ARNT: variants seen among roughly 807,000 people sequenced by gnomAD.
ARNT encodes aryl hydrocarbon receptor nuclear translocator.
Under a neutral mutation model 105.0 loss-of-function variants are expected in ARNT, and 30 were observed. That is an observed-to-expected ratio of 0.29 (90% CI 0.21 to 0.39). The LOEUF (loss-of-function observed/expected upper bound fraction) is 0.39. ARNT is among the 10% of genes least tolerant of loss of function. The pLI is 1.00. For missense variants in ARNT, 748 were observed against 978.7 expected, an observed-to-expected ratio of 0.76 and a Z score of 3.15; for synonymous variants, 304 against 344.0, an observed-to-expected ratio of 0.88 and a Z score of 1.29.
chr1:150,837,851 T>A (rs1660592391), intron 6 of ARNT, among the ~76,000 whole-genome samples: 1 of 152,092 alleles, frequency 6.6e-6, no homozygotes, highest in African/African-American at 2.4e-5. Context: ...GAATCATTAT[T>A]TCCCTCTTAA....
At chr1:150,821,762 C>T (rs1362228132) in intron 14 of ARNT, among the ~76,000 whole-genome samples, 1 of 151,942 alleles carries the variant, frequency 6.6e-6, no homozygotes, top group East Asian at 1.9e-4. Flanking sequence ...GATTCTCATA[C>T]CTTAACCTCC....
At chr1:150,820,253 C>T (rs1656773980) in intron 14 of ARNT, among the ~76,000 whole-genome samples, 2 of 152,208 alleles carry the variant, frequency 1.3e-5, no homozygotes, top group South Asian at 2.1e-4. Context: ...AAAATCCTGC[C>T]AGACTAGAGC....
intron 7 of ARNT, among the ~76,000 whole-genome samples, chr1:150,835,183 A>T (rs1043281183): frequency 1.3e-5 from 2 of 151,962 alleles, no homozygotes; most frequent in African/African-American, 4.8e-5. Context: ...AAAAAGAAAA[A>T]AACCAAGTAA....
chr1:150,840,022 C>T (rs1195039652), intron 5 of ARNT, among the ~76,000 whole-genome samples: 1 of 152,154 alleles, frequency 6.6e-6, no homozygotes, highest in African/African-American at 2.4e-5. Flanking sequence ...AGGTGGATTA[C>T]TTGAGGCCAG....
chr1:150,842,506 T>TA, intron 4 of ARNT, 38 bp from the exon 5 acceptor site: 1 of 1,311,826 alleles, frequency 7.6e-7, no homozygotes, highest in East Asian at 2.9e-5. Context: ...AAAATTAAAA[T>TA]AAAAAAGAAG....
chr1:150,842,239 T>C, intron 5 of ARNT, 185 bp downstream of exon 5: 1 of 984,882 alleles, frequency 1.0e-6, no homozygotes, highest in Non-Finnish European at 1.2e-6. Flanking sequence ...TTCCCTCAAC[T>C]CACCCACTTT....
chr1:150,870,475 A>G (rs1667254046), intron 1 of ARNT, among the ~76,000 whole-genome samples: 1 of 152,126 alleles, frequency 6.6e-6, no homozygotes, highest in Non-Finnish European at 1.5e-5. Context: ...TTCTGCTCTC[A>G]TGGAACTTAT....
intron 1 of ARNT, among the ~76,000 whole-genome samples, chr1:150,867,371 TA>T (rs1257063733): frequency 1.6e-3 from 215 of 137,230 alleles, no homozygotes; most frequent in Admixed American, 1.5e-3. Context: ...TTCTATAAAT[TA>T]AAAAAAAAAA....
chr1:150,859,443 C>T (rs1251628390), intron 1 of ARNT, among the ~76,000 whole-genome samples: 1 of 151,680 alleles, frequency 6.6e-6, no homozygotes, highest in Non-Finnish European at 1.5e-5. Flanking sequence ...ACCTCCCGGG[C>T]TCCAGTGATC....
chr1:150,834,008 C>A lies in ARNT; in HGVS notation c.803+530G>T, dbSNP rs890785803. ...GGAGTGTAATGGCACAATCTCGGCT[C>A]ACTGCAACCTCCACCTCCTGGGTTC... On this transcript the variant is annotated intron_variant, in intron 8 of 21. Transcript: ENST00000358595. Among the ~76,000 whole-genome samples the A allele has an allele frequency of 2.0e-5, 3 of 151,322 alleles. No homozygotes were observed. In the East Asian group the frequency reaches 5.8e-4, roughly 29 times the overall value.
At chr1:150,866,171 C>A (rs967263573) in intron 1 of ARNT, among the ~76,000 whole-genome samples, 2 of 152,068 alleles carry the variant, frequency 1.3e-5, no homozygotes, top group African/African-American at 4.8e-5. Flanking sequence ...TTAGTAGAGA[C>A]GGGGTTTCAC....
At chr1:150,823,654 G>A (rs1283167988) in intron 13 of ARNT, among the ~76,000 whole-genome samples, 3 of 151,448 alleles carry the variant, frequency 2.0e-5, no homozygotes, top group African/African-American at 7.3e-5. Flanking sequence ...GGGTTCAAGC[G>A]ATTTTCTTGC....
intron 1 of ARNT, among the ~76,000 whole-genome samples, chr1:150,865,229 C>T (rs1183407491): frequency 1.3e-5 from 2 of 152,142 alleles, no homozygotes; most frequent in Non-Finnish European, 2.9e-5. Flanking sequence ...TTTCTACTCT[C>T]TTCTCTCTTC....
At chr1:150,844,969 C>T (rs1480969174) in intron 4 of ARNT, among the ~76,000 whole-genome samples, 1 of 151,860 alleles carries the variant, frequency 6.6e-6, no homozygotes, top group African/African-American at 2.4e-5. Flanking sequence ...ACCATGATGC[C>T]CGGCTAATTT....
intron 1 of ARNT, among the ~76,000 whole-genome samples, chr1:150,875,031 ACTT>A (rs1312843391): frequency 6.6e-6 from 1 of 152,186 alleles, no homozygotes; most frequent in Non-Finnish European, 1.5e-5. Flanking sequence ...TACCCAGGCC[ACTT>A]CTTAATAAGA....
At position 150,811,855 on chromosome 1, in the gene ARNT, T is replaced by C. The variant is rs1164169424; in HGVS notation, c.*166A>G. ...TCCATTTCTTCTATAAATGTTACCT[T>C]AGAGAGGCAACAGAGCAGGGGAACA... On this transcript the variant is annotated 3_prime_UTR_variant, in exon 22 of 22. Coordinates refer to ENST00000358595, the MANE Select transcript of ARNT (RefSeq NM_001668.4). 1 of 425,946 alleles carries C rather than the reference T, an allele frequency of 2.3e-6. No homozygotes were observed. 26.4% of individuals were successfully genotyped at this position (425,946 alleles called of 1,614,324 possible).
intron 2 of ARNT, among the ~76,000 whole-genome samples, chr1:150,854,383 TC>T (rs1163044531): frequency 2.4e-5 from 3 of 126,510 alleles, no homozygotes; most frequent in Non-Finnish European, 4.7e-5. Context: ...CACGGTGAAA[TC>T]CCGTCTCTAC....
chr1:150,827,052 GAAA>G, intron 12 of ARNT, among the ~76,000 whole-genome samples: 1 of 144,436 alleles, frequency 6.9e-6, no homozygotes, highest in South Asian at 2.2e-4. Context: ...GTGAGGAGGA[GAAA>G]AAAAAAAGAC....
rs1654427605 is a variant in ARNT at position 150,809,926 on chromosome 1, A to G, written c.*2095T>C. The G allele has an allele frequency of 4.5e-6, 1 of 224,354 alleles. No homozygotes were observed. Among genetic ancestry groups the G allele is most frequent in the Non-Finnish European group, 8.9e-6 (1 of 112,184 alleles). 13.9% of individuals were successfully genotyped at this position (224,354 alleles called of 1,614,324 possible). On this transcript the variant is annotated 3_prime_UTR_variant, in exon 22 of 22. Coordinates refer to ENST00000358595, the MANE Select transcript of ARNT (RefSeq NM_001668.4). ...GGACAAGTGAGGGGGGAGGCGTGCA[A>G]TGTGATCAGAACCCTATGATTTCTG...
Sources: gnomAD v4.1 joint callset for allele counts (sites outside exome capture counted in the v4.1 genomes callset) on GRCh38, gnomAD v4.1.1 for gene constraint, MANE v1.5 for transcripts, NCBI Gene and HGNC (gene_info 2026-07-23, HGNC 2026-07-21) for gene names.